Variants in CNOT6 observed in about 807,000 individuals in gnomAD.
The protein encoded by CNOT6 is CCR4-NOT transcription complex subunit 6.
Under a neutral mutation model 61.2 loss-of-function variants are expected in CNOT6, and 12 were observed. The observed-to-expected ratio is 0.20, with a 90% CI of 0.13 to 0.32. The LOEUF is 0.32. Among genes scored for constraint, CNOT6 ranks in the 10% least tolerant of loss-of-function variants. The probability of loss-of-function intolerance (pLI) is 1.00; values close to 1 mark genes in which losing one functional copy is unlikely to be tolerated. For missense variants in CNOT6, 405 were observed against 663.9 expected (o/e 0.61, Z 4.28); for synonymous variants, 225 against 240.6 (o/e 0.94, Z 0.60).
Position 180,578,284 on chromosome 5 carries a change from T to C in CNOT6, c.*4084T>C, listed in dbSNP as rs553291714. On this transcript the variant is annotated 3_prime_UTR_variant, in exon 12 of 12. Coordinates refer to ENST00000261951, the MANE Select transcript of CNOT6 (RefSeq NM_001370472.1). ...ACCTTATACCTCATGATATAAGGAA[T>C]GGGCTCATGTGTCTTCCGTCTTTTG... 7.2e-5 allele frequency: 11 copies of C among 152,800 alleles called. No homozygotes were observed. In the South Asian group the frequency reaches 1.7e-3, roughly 23 times the overall value. The allele number at this position is 152,800 out of a possible 1,614,324, so 9.5% of individuals were successfully genotyped here.
rs1291211776 is a variant in CNOT6, at chr5:180,494,426, C to G, written c.-340C>G. On this transcript the variant is annotated 5_prime_UTR_variant, in exon 1 of 12. Transcript: ENST00000261951. Reference sequence around the variant, plus strand: ...GATGCTTGTTTGCTTTCAATGAAAACGAGGGGGGCGCGGAGGAGGAGGCGG... The same window carrying G: ...GATGCTTGTTTGCTTTCAATGAAAAGGAGGGGGGCGCGGAGGAGGAGGCGG... 6 of 154,068 alleles carry G rather than the reference C, an allele frequency of 3.9e-5. No homozygotes were observed. The highest frequency in any genetic ancestry group is 7.2e-5 in the Non-Finnish European group (5 of 69,190). The allele number at this position is 154,068 out of a possible 1,614,324, so 9.5% of individuals were successfully genotyped here. A position where few individuals can be genotyped will look rare whatever the true frequency, so the allele number is the denominator to read the frequency against.
chr5:180,553,491 A>G lies in CNOT6; in HGVS notation c.385+20A>G, dbSNP rs778200069. 1 of 1,570,438 alleles carries G rather than the reference A, an allele frequency of 6.4e-7. No homozygotes were observed. Among genetic ancestry groups the G allele is most frequent in the Non-Finnish European group, 8.8e-7 (1 of 1,141,244 alleles). ...TGAAAGGTATGACTTCCATATTTGT[A>G]CTTCTTATGGTTTGTGTATATGTCT... On this transcript the variant is annotated intron_variant, in intron 4 of 11. Transcript: ENST00000261951.
At chr5:180,503,256 A>ATTTTTT (rs1756961321) in intron 1 of CNOT6, among the ~76,000 whole-genome samples, 1 of 130,996 alleles carries the variant, frequency 7.6e-6, no homozygotes, top group Non-Finnish European at 1.7e-5. Context: ...TCTAGTTTGT[A>ATTTTTT]TTTTTCTTTT....
At chr5:180,525,402 G>C (rs1356995293) in intron 1 of CNOT6, among the ~76,000 whole-genome samples, 1 of 152,062 alleles carries the variant, frequency 6.6e-6, no homozygotes, top group African/African-American at 2.4e-5. Flanking sequence ...AGCCTGGTGT[G>C]GTGGCGCATG....
At chr5:180,495,298 A>T (rs1384565912) in intron 1 of CNOT6, 1 of 152,274 alleles carries the variant, frequency 6.6e-6, no homozygotes, top group Non-Finnish European at 1.5e-5. Flanking sequence ...AGGTTAAAGA[A>T]GCACTTGGCA....
intron 1 of CNOT6, among the ~76,000 whole-genome samples, chr5:180,522,630 T>C (rs1053381439): frequency 6.6e-6 from 1 of 151,966 alleles, no homozygotes. Context: ...TGTGGAGCAT[T>C]TTTTCATGTT....
At chr5:180,501,305 A>T (rs186989791) in intron 1 of CNOT6, among the ~76,000 whole-genome samples, 1 of 152,338 alleles carries the variant, frequency 6.6e-6, no homozygotes, top group East Asian at 1.9e-4. Context: ...GCCATGAGCT[A>T]TAAAAATAGG....
Position 180,553,216 on chromosome 5 carries a change from G to GTT in CNOT6, c.300-160_300-159dup, listed in dbSNP as rs375123503. On this transcript the variant is annotated intron_variant, in intron 3 of 11. Transcript: ENST00000261951. ...AATTTGTTTCTTGTATTCTCTGGCA[G>GTT]TTTTTTTTTTTAAACCACATGTTAT... 3.4e-3 allele frequency among the ~76,000 whole-genome samples: 494 copies of GTT among 146,144 alleles called. 3 individuals carry two copies. The highest frequency in any genetic ancestry group is 0.011 in the African/African-American group (446 of 40,158).
chr5:180,552,740 C>G (rs1033416034), intron 3 of CNOT6, among the ~76,000 whole-genome samples: 4 of 152,148 alleles, frequency 2.6e-5, no homozygotes, highest in Non-Finnish European at 5.9e-5. Flanking sequence ...GCGTGTCCCC[C>G]CGGCTCACCC....
intron 2 of CNOT6, among the ~76,000 whole-genome samples, chr5:180,535,044 C>T (rs1034804949): frequency 4.8e-5 from 5 of 104,666 alleles, no homozygotes; most frequent in Admixed American, 9.7e-5. Context: ...TGGCATGGGC[C>T]GGAGTCCCTG....
intron 2 of CNOT6, among the ~76,000 whole-genome samples, chr5:180,549,618 C>T (rs1759497014): frequency 6.6e-6 from 1 of 151,734 alleles, no homozygotes. Flanking sequence ...CACTGCACTC[C>T]AGCCTGGGCA....
At chr5:180,556,087 G>C (rs1393391113) in intron 4 of CNOT6, among the ~76,000 whole-genome samples, 1 of 152,212 alleles carries the variant, frequency 6.6e-6, no homozygotes, top group East Asian at 1.9e-4. Context: ...CCCTCCAATA[G>C]TAGCATCTTT....
intron 10 of CNOT6, among the ~76,000 whole-genome samples, chr5:180,570,284 A>T (rs919877354): frequency 6.6e-6 from 1 of 152,202 alleles, no homozygotes; most frequent in Non-Finnish European, 1.5e-5. Flanking sequence ...CTTGAACCCC[A>T]GAGGCAGAAG....
Position 180,565,993 on chromosome 5 carries a change from G to T in CNOT6, c.717+16G>T. On this transcript the variant is annotated intron_variant, in intron 7 of 11. Coordinates refer to ENST00000261951, the MANE Select transcript of CNOT6 (RefSeq NM_001370472.1). Reference sequence around the variant, plus strand: ...AAGTCTTCAGGTAAGTCAGACAGAAGACAGTCAACCTAGCATTGATAAAGG... The same window carrying T: ...AAGTCTTCAGGTAAGTCAGACAGAATACAGTCAACCTAGCATTGATAAAGG... The T allele has an allele frequency of 6.2e-7, 1 of 1,606,438 alleles. No homozygotes were observed. Among genetic ancestry groups the T allele is most frequent in the Non-Finnish European group, 8.5e-7 (1 of 1,175,410 alleles).
At chr5:180,549,534 C>G (rs1427611812) in intron 2 of CNOT6, among the ~76,000 whole-genome samples, 1 of 151,938 alleles carries the variant, frequency 6.6e-6, no homozygotes, top group Non-Finnish European at 1.5e-5. Context: ...CCTGTAATCC[C>G]AGCTACTTGG....
At chr5:180,572,923 A>G (rs1380917314) in intron 11 of CNOT6, among the ~76,000 whole-genome samples, 3 of 152,226 alleles carry the variant, frequency 2.0e-5, no homozygotes, top group Admixed American at 6.5e-5. Flanking sequence ...CCAGCTTTCT[A>G]TTTCTAAGCT....
chr5:180,518,781 A>G (rs1757758721), intron 1 of CNOT6, among the ~76,000 whole-genome samples: 1 of 152,178 alleles, frequency 6.6e-6, no homozygotes, highest in African/African-American at 2.4e-5. Context: ...GATTACTGGT[A>G]TGAGCCTGGC....
At chr5:180,565,056 G>A (rs1760385613) in intron 6 of CNOT6, among the ~76,000 whole-genome samples, 1 of 152,256 alleles carries the variant, frequency 6.6e-6, no homozygotes, top group Non-Finnish European at 1.5e-5. Context: ...GTGGATGGAG[G>A]CCAGGGTTGC....
At chr5:180,553,808 A>G (rs1185580510) in intron 4 of CNOT6, among the ~76,000 whole-genome samples, 1 of 152,148 alleles carries the variant, frequency 6.6e-6, no homozygotes, top group Non-Finnish European at 1.5e-5. Context: ...AAAAACATGG[A>G]GCCTCTCATA....
Sources: allele counts gnomAD v4.1 joint callset (sites outside exome capture counted in the v4.1 genomes callset), GRCh38; gene constraint gnomAD v4.1.1; transcripts MANE v1.5; gene names NCBI Gene and HGNC (gene_info 2026-07-23, HGNC 2026-07-21).